Variants in TUBGCP3 observed in about 807,000 individuals in gnomAD.
TUBGCP3 encodes the protein tubulin gamma complex component 3.
Under a neutral mutation model 123.1 loss-of-function variants are expected in TUBGCP3, and 50 were observed. The observed-to-expected ratio is 0.41, with a 90% confidence interval of 0.32 to 0.51. The LOEUF (loss-of-function observed/expected upper bound fraction) is 0.51, where lower values mean the gene tolerates loss of function less well. Among genes scored for constraint, TUBGCP3 ranks in the 20% least tolerant of loss-of-function variants. TUBGCP3 has a pLI of 0.36. For synonymous variants in TUBGCP3, 405 were observed against 413.9 expected, an observed-to-expected ratio of 0.98 and a Z score of 0.26; for missense variants, 882 against 1,127.0, an observed-to-expected ratio of 0.78 and a Z score of 3.11.
At chr13:112,550,524 G>A (rs1183038435) in intron 8 of TUBGCP3, among the ~76,000 whole-genome samples, 1 of 152,160 alleles carries the variant, frequency 6.6e-6, no homozygotes, top group Non-Finnish European at 1.5e-5. Flanking sequence ...AAAATCCAGG[G>A]CTCCCGCTGG....
At chr13:112,522,569 G>A in intron 13 of TUBGCP3, 60 bp from the exon 14 acceptor site, 2 of 1,528,434 alleles carry the variant, frequency 1.3e-6, no homozygotes, top group Non-Finnish European at 1.8e-6. Flanking sequence ...CCACAGAGGA[G>A]AAATGAAGGC....
In TUBGCP3 at chr13:112,516,560, A is replaced by G. The variant is rs759387006; in HGVS notation, c.1966T>C (p.Cys656Arg). 48 of 1,613,432 alleles carry G rather than the reference A, an allele frequency of 3.0e-5. No individual in the cohort carries two copies. Among genetic ancestry groups the G allele is most frequent in the Non-Finnish European group, 4.0e-5 (47 of 1,179,800 alleles). Residue 656 changes from cysteine to arginine, a missense_variant, in exon 17 of 22, where the codon TGT becomes CGT. Transcript: ENST00000261965. The part of the protein sequence containing the change: ...GPIATVFTRE[C>R]MSHYLRVFNF... ...AATACTCTTAGGTAGTGGCTCATAC[A>G]TTCTCGAGTAAACACCTGGGATAAC...
chr13:112,591,418 T>G (rs901093469), upstream of TUBGCP3, among the ~76,000 whole-genome samples: 1 of 152,232 alleles, frequency 6.6e-6, no homozygotes. Flanking sequence ...GAGGAAGGTC[T>G]TCCTTTACAA....
At chr13:112,588,712 C>T (rs552867912), upstream of TUBGCP3, among the ~76,000 whole-genome samples, 12 of 152,324 alleles carry the variant, frequency 7.9e-5, no homozygotes, top group African/African-American at 2.9e-4. Context: ...CAGACAATTA[C>T]ACCAAGCCAA....
At chr13:112,498,818 G>A (rs1880693470) in intron 20 of TUBGCP3, 2 of 1,563,860 alleles carry the variant, frequency 1.3e-6, no homozygotes, top group South Asian at 2.3e-5. Context: ...TCTCATGAAT[G>A]CTGCTGTTTT....
intron 17 of TUBGCP3, among the ~76,000 whole-genome samples, chr13:112,506,081 G>C (rs140868636): frequency 2.8e-3 from 432 of 152,208 alleles, no homozygotes; most frequent in African/African-American, 9.7e-3. Context: ...AATTTCAAAA[G>C]ACAAAAAAAG....
chr13:112,543,763 G>C (rs1878723271), intron 11 of TUBGCP3, among the ~76,000 whole-genome samples: 1 of 152,046 alleles, frequency 6.6e-6, no homozygotes, highest in East Asian at 1.9e-4. Context: ...AAGTTTGGAA[G>C]AATGTGAAAA....
At chr13:112,599,492 T>A in the TUBGCP3 span, among the ~76,000 whole-genome samples, 1 of 152,092 alleles carries the variant, frequency 6.6e-6, no homozygotes, top group Non-Finnish European at 1.5e-5. Flanking sequence ...TAAAACTACT[T>A]TGCTATGGTT....
intron 1 of TUBGCP3, among the ~76,000 whole-genome samples, chr13:112,575,493 T>C (rs1297878250): frequency 6.6e-6 from 1 of 152,108 alleles, no homozygotes; most frequent in Non-Finnish European, 1.5e-5. Flanking sequence ...AAAACAGACA[T>C]TCACAAATAC....
chr13:112,528,847 T>C (rs1332367999), intron 11 of TUBGCP3, among the ~76,000 whole-genome samples: 1 of 152,180 alleles, frequency 6.6e-6, no homozygotes, highest in African/African-American at 2.4e-5. Context: ...TTTTATTACC[T>C]AGATCTGTTT....
chr13:112,575,363 T>C (rs763888896), intron 1 of TUBGCP3, among the ~76,000 whole-genome samples: 10 of 152,010 alleles, frequency 6.6e-5, no homozygotes, highest in Non-Finnish European at 1.3e-4. Flanking sequence ...AAGGATAAAG[T>C]AGGGATCACA....
intron 3 of TUBGCP3, among the ~76,000 whole-genome samples, chr13:112,560,803 G>C (rs907141327): frequency 6.6e-6 from 1 of 152,192 alleles, no homozygotes; most frequent in Non-Finnish European, 1.5e-5. Context: ...TCCCCAGCCA[G>C]GGCCACGAGG....
the TUBGCP3 span, chr13:112,604,778 G>A: frequency 4.6e-5 from 7 of 152,168 alleles, no homozygotes; most frequent in Admixed American, 4.6e-4. Flanking sequence ...GCATACACTT[G>A]TGATTGCACT....
chr13:112,602,137 C>A, the TUBGCP3 span, among the ~76,000 whole-genome samples: 1 of 152,144 alleles, frequency 6.6e-6, no homozygotes, highest in Non-Finnish European at 1.5e-5. Context: ...AGCGAGCCCC[C>A]CAGGCTGTTG....
chr13:112,601,559 G>C, the TUBGCP3 span, among the ~76,000 whole-genome samples: 1 of 152,124 alleles, frequency 6.6e-6, no homozygotes, highest in African/African-American at 2.4e-5. Context: ...CGCCCAGGTG[G>C]CCTGTGACAT....
intron 5 of TUBGCP3, 86 bp downstream of exon 5, chr13:112,558,110 G>C: frequency 7.0e-7 from 1 of 1,423,072 alleles, no homozygotes; most frequent in Non-Finnish European, 9.5e-7. Context: ...CTGATACTGT[G>C]GGTGAACATC....
At chr13:112,535,913 T>C (rs1402299475) in intron 11 of TUBGCP3, among the ~76,000 whole-genome samples, 1 of 152,244 alleles carries the variant, frequency 6.6e-6, no homozygotes, top group Non-Finnish European at 1.5e-5. Flanking sequence ...TAAATTTAGG[T>C]GTCTGATCCA....
the TUBGCP3 span, chr13:112,604,249 T>C: frequency 1.3e-5 from 2 of 152,218 alleles, no homozygotes; most frequent in African/African-American, 4.8e-5. Context: ...AAGGTTTTCT[T>C]TGGGTATCTT....
intron 11 of TUBGCP3, among the ~76,000 whole-genome samples, chr13:112,534,581 G>T (rs935711840): frequency 6.6e-6 from 1 of 151,492 alleles, no homozygotes; most frequent in African/African-American, 2.4e-5. Flanking sequence ...AAAAACTCCT[G>T]CAAGGCCCCA....
Sources: gnomAD v4.1 joint callset for allele counts (sites outside exome capture counted in the v4.1 genomes callset) on GRCh38, gnomAD v4.1.1 for gene constraint, MANE v1.5 for transcripts, NCBI Gene and HGNC (gene_info 2026-07-23, HGNC 2026-07-21) for gene names.